The following CIT variants were observed in gnomAD, a reference collection of about 807,000 sequenced individuals.
CIT encodes citron rho-interacting serine/threonine kinase.
In CIT, 79 loss-of-function variants were observed where a neutral mutation model predicts 272.7. The observed-to-expected ratio is 0.29, with a 90% confidence interval of 0.24 to 0.35. The LOEUF (loss-of-function observed/expected upper bound fraction) is 0.35. Among genes scored for constraint, CIT ranks in the 10% least tolerant of loss-of-function variants. The pLI is 1.00. For missense variants in CIT, 1,909 were observed against 2,618.3 expected (o/e 0.73, Z 5.91); for synonymous variants, 948 against 995.6 (o/e 0.95, Z 0.90).
chr12:119,696,000 G>T (rs1956205036), intron 46 of CIT, among the ~76,000 whole-genome samples: 1 of 152,156 alleles, frequency 6.6e-6, no homozygotes, highest in South Asian at 2.1e-4. Context: ...TCAATCCATG[G>T]TTTATTGAAT....
In CIT at chr12:119,857,481, C is replaced by T. The variant is rs1312806241; in HGVS notation, c.414+42G>A. The T allele has an allele frequency of 5.0e-6, 8 of 1,602,598 alleles. No individual in the cohort carries two copies. The East Asian group carries it at 6.7e-5, about 13-fold the overall frequency. ...ATTATCGTCTTTGCAATGAACACTC[C>T]GGTACAGAAAGTGGAAAAGCATGAT... is the stretch of plus-strand genomic sequence containing the variant. On this transcript the variant is annotated intron_variant, in intron 4 of 47. Transcript: ENST00000392521.
rs1955593845 is a variant in CIT, at chr12:119,686,651, G to C, written c.*1581C>G. ...TTTGAGCCTACCTAGGAGGTGCCTG[G>C]GTTGTTGAGGCGGGCCTAAGAGTCG... On this transcript the variant is annotated 3_prime_UTR_variant, in exon 48 of 48. Coordinates refer to ENST00000392521, the MANE Select transcript of CIT (RefSeq NM_001206999.2). 6.6e-6 allele frequency: 1 copy of C among 152,360 alleles called. No homozygotes were observed. The highest frequency in any genetic ancestry group is 2.4e-5 in the African/African-American group (1 of 41,444). The allele number at this position is 152,360 out of a possible 1,614,324, so 9.4% of individuals were successfully genotyped here. A position where few individuals can be genotyped will look rare whatever the true frequency, so the allele number is the denominator to read the frequency against.
intron 47 of CIT, among the ~76,000 whole-genome samples, chr12:119,689,887 G>C (rs1180946961): frequency 2.0e-5 from 3 of 151,764 alleles, no homozygotes; most frequent in African/African-American, 7.3e-5. Context: ...CACCACATTA[G>C]CCAGGATGGT....
At chr12:119,775,894 G>T in intron 15 of CIT, 55 bp from the exon 16 acceptor site, 1 of 1,424,806 alleles carries the variant, frequency 7.0e-7, no homozygotes. Context: ...TTAACATCTT[G>T]CTACATTTAT....
rs759976682 is a variant in CIT at position 119,701,880 on chromosome 12, C to G, written c.5383G>C (p.Glu1795Gln). 24 of 1,613,994 alleles carry G rather than the reference C, an allele frequency of 1.5e-5. No homozygotes were observed. Among genetic ancestry groups the G allele is most frequent in the African/African-American group, 8.0e-5 (6 of 74,908 alleles). ...SILIGTNKFY[E>Q]IDMKQYTLEE... ...AGCGTGTACTGCTTCATGTCGATTT[C>G]GTAGAATTTATTGGTTCCAATGAGG... is the stretch of plus-strand genomic sequence containing the variant. The change falls in exon 42 of 48, where the codon GAA becomes CAA. Residue 1795 changes from glutamate to glutamine, a missense_variant. By Grantham distance (29) the Glu-to-Gln change is conservative. Transcript: ENST00000392521.
chr12:119,731,932 T>G (rs948911134), intron 26 of CIT, among the ~76,000 whole-genome samples: 10 of 151,608 alleles, frequency 6.6e-5, no homozygotes, highest in South Asian at 2.1e-4. Flanking sequence ...ACCTCCAAGA[T>G]TCAAGCGATT....
Position 119,784,942 on chromosome 12 carries a change from G to C in CIT, c.1401+18C>G. ...GGATCCTGGAGCAAGGAAGGAGGCC[G>C]GCTGCGGAAATAAATACCTTGTGAC... On this transcript the variant is annotated intron_variant, in intron 11 of 47. Coordinates refer to ENST00000392521, the MANE Select transcript of CIT (RefSeq NM_001206999.2). This position sits in a 1 kb window ranked among gnomAD's most constrained non-coding sequence, Gnocchi z 4.7. 1 of 1,613,864 alleles carries C rather than the reference G, an allele frequency of 6.2e-7. No individual in the cohort carries two copies. The highest frequency in any genetic ancestry group is 8.5e-7 in the Non-Finnish European group (1 of 1,179,854).
At chr12:119,875,986 T>C in intron 2 of CIT, 87 bp downstream of exon 2, 1 of 840,140 alleles carries the variant, frequency 1.2e-6, no homozygotes, top group South Asian at 1.6e-5. Flanking sequence ...TCTAAATAAA[T>C]AAACAAATAA....
chr12:119,747,289 C>T (rs1565980979), intron 23 of CIT, among the ~76,000 whole-genome samples: 1 of 151,780 alleles, frequency 6.6e-6, no homozygotes, highest in South Asian at 2.1e-4. Flanking sequence ...GGAGTGGTGG[C>T]GCATGCCTGT....
chr12:119,792,692 C>T (rs1965406113), intron 10 of CIT, among the ~76,000 whole-genome samples: 1 of 152,144 alleles, frequency 6.6e-6, no homozygotes, highest in Non-Finnish European at 1.5e-5. Flanking sequence ...CAAGGATGGT[C>T]TCGGTCTCCC....
At chr12:119,717,842 T>C (rs1271215411) in intron 32 of CIT, among the ~76,000 whole-genome samples, 4 of 121,650 alleles carry the variant, frequency 3.3e-5, no homozygotes, top group Non-Finnish European at 7.0e-5. Context: ...TTCTTTCTTT[T>C]TTTTTTTTTT....
chr12:119,715,688 G>C (rs901286255), intron 32 of CIT, among the ~76,000 whole-genome samples: 1 of 152,170 alleles, frequency 6.6e-6, no homozygotes, highest in Non-Finnish European at 1.5e-5. Flanking sequence ...GAACTGTACG[G>C]TATGCAAATT....
intron 4 of CIT, 43 bp from the exon 5 acceptor site, chr12:119,850,318 G>A (rs1392421173): frequency 7.6e-7 from 1 of 1,307,262 alleles, no homozygotes; most frequent in African/African-American, 1.5e-5. Flanking sequence ...AAAGAACTGT[G>A]AGAGGAAAAA....
chr12:119,803,613 G>GTA (rs1271771423), intron 9 of CIT: 1 of 384,844 alleles, frequency 2.6e-6, no homozygotes, highest in Admixed American at 4.3e-5. Flanking sequence ...CCCGCCTGGG[G>GTA]TAAACTGAAG....
chr12:119,708,895 C>G (rs1004554898), intron 39 of CIT, among the ~76,000 whole-genome samples: 3 of 152,182 alleles, frequency 2.0e-5, no homozygotes, highest in African/African-American at 7.2e-5. Flanking sequence ...ACTGTACTTT[C>G]AAACATGCTC....
At position 119,712,382 on chromosome 12, in the gene CIT, G is replaced by C; in HGVS notation, c.4685-35C>G. 1.9e-6 allele frequency: 3 copies of C among 1,578,902 alleles called. No individual in the cohort carries two copies. The highest frequency in any genetic ancestry group is 2.6e-6 in the Non-Finnish European group (3 of 1,158,898). On this transcript the variant is annotated intron_variant, in intron 36 of 47. Coordinates refer to ENST00000392521, the MANE Select transcript of CIT (RefSeq NM_001206999.2). This position sits in a 1 kb window ranked among gnomAD's most constrained non-coding sequence, Gnocchi z 5.2. ...TTCAGAGAGCACAGGATTGGGTGTG[G>C]ATTTCCCCCGTTCCCACTGGGAGGG...
chr12:119,752,714 C>G (rs1960422229), intron 22 of CIT, among the ~76,000 whole-genome samples: 1 of 152,218 alleles, frequency 6.6e-6, no homozygotes, highest in African/African-American at 2.4e-5. Flanking sequence ...ATTAGGTAAT[C>G]TGCTTTAATG....
At chr12:119,772,483 G>A (rs1963277997) in intron 17 of CIT, among the ~76,000 whole-genome samples, 1 of 152,084 alleles carries the variant, frequency 6.6e-6, no homozygotes, top group Non-Finnish European at 1.5e-5. Flanking sequence ...ATGGAGCTTC[G>A]GTTTACCTAT....
intron 10 of CIT, among the ~76,000 whole-genome samples, chr12:119,796,228 A>T (rs569348069): frequency 6.6e-6 from 1 of 152,326 alleles, no homozygotes; most frequent in Non-Finnish European, 1.5e-5. Context: ...TAAGCCGGTG[A>T]ATGACATCAT....
Sources: gnomAD v4.1 joint callset for allele counts (sites outside exome capture counted in the v4.1 genomes callset) on GRCh38, gnomAD v4.1.1 for gene constraint, Gnocchi (gnomAD v3.1) non-coding constraint, MANE v1.5 for transcripts, NCBI Gene and HGNC (gene_info 2026-07-23, HGNC 2026-07-21) for gene names.